The following ATP6V1C1 variants were observed in gnomAD, a reference collection of about 807,000 sequenced individuals.
The protein encoded by ATP6V1C1 is V-type proton ATPase subunit C 1.
A neutral mutation model predicts 53.9 loss-of-function variants in ATP6V1C1; 45 were observed. That is an observed-to-expected ratio of 0.83 (90% CI 0.66 to 1.07). The LOEUF (loss-of-function observed/expected upper bound fraction) is 1.07. Ranked by LOEUF, ATP6V1C1 falls within the 50% of genes least tolerant of loss-of-function variation. ATP6V1C1 has a pLI of 0.00. For synonymous variants in ATP6V1C1, 153 were observed against 155.2 expected (o/e 0.99, Z 0.11); for missense variants, 315 against 440.3 (o/e 0.72, Z 2.55).
chr8:103,062,163 T>G (rs1228078980), intron 8 of ATP6V1C1, among the ~76,000 whole-genome samples: 1 of 90,560 alleles, frequency 1.1e-5, no homozygotes, highest in African/African-American at 4.3e-5. Flanking sequence ...TCATCAGGGT[T>G]TTTTTTTTTT....
chr8:103,068,811 A>G lies in ATP6V1C1; in HGVS notation c.*64A>G. On this transcript the variant is annotated 3_prime_UTR_variant, in exon 13 of 13. Transcript: ENST00000518738. Reference sequence around the variant, plus strand: ...GTGTGTGCTAACAGAAATAAGTTGCAGTATGGTCGTACTTTTAACTCTAGT... The same window carrying G: ...GTGTGTGCTAACAGAAATAAGTTGCGGTATGGTCGTACTTTTAACTCTAGT... 7.0e-7 allele frequency: 1 copy of G among 1,426,240 alleles called. No homozygotes were observed. Among genetic ancestry groups the G allele is most frequent in the Non-Finnish European group, 9.7e-7 (1 of 1,030,962 alleles). The allele number at this position is 1,426,240 out of a possible 1,614,324, so 88.3% of individuals were successfully genotyped here. A position where few individuals can be genotyped will look rare whatever the true frequency, so the allele number is the denominator to read the frequency against.
intron 10 of ATP6V1C1, among the ~76,000 whole-genome samples, chr8:103,063,737 G>A (rs1015119995): frequency 2.6e-4 from 39 of 152,140 alleles, no homozygotes; most frequent in Admixed American, 6.5e-4. Context: ...GAGTGGAATT[G>A]TGAAAATCAA....
chr8:103,067,617 T>TTTTTTTTTTTTTTTC (rs1408507732), intron 12 of ATP6V1C1, among the ~76,000 whole-genome samples: 1 of 144,426 alleles, frequency 6.9e-6, no homozygotes, highest in African/African-American at 2.6e-5. Flanking sequence ...TTTTTTTTTT[T>TTTTTTTTTTTTTTTC]CGAGATGGAG....
intron 8 of ATP6V1C1, among the ~76,000 whole-genome samples, chr8:103,060,666 AAC>A (rs1280758487): frequency 2.0e-5 from 3 of 152,304 alleles, no homozygotes; most frequent in East Asian, 1.9e-4. Flanking sequence ...TTATTTTTTA[AAC>A]AGTTTTAAGA....
At chr8:103,058,224 C>A (rs1323577261) in intron 8 of ATP6V1C1, among the ~76,000 whole-genome samples, 1 of 152,222 alleles carries the variant, frequency 6.6e-6, no homozygotes, top group Non-Finnish European at 1.5e-5. Flanking sequence ...GCAGTCAAGA[C>A]TTGTTTGCAA....
At position 103,066,341 on chromosome 8, in the gene ATP6V1C1, TC is replaced by T. The variant is rs1288595870; in HGVS notation, c.949del (p.Gln317LysfsTer12). On this transcript the variant is annotated frameshift_variant, in exon 12 of 13. Transcript: ENST00000518738. LOFTEE classifies it high-confidence loss of function. Reference protein sequence around the residue: ...SVLRYGLPVNFQAMLLQPNKK... With the variant: ...SVLRYGLPVNXQAMLLQPNKK... The stretch of plus-strand genomic sequence containing the variant: ...GTAAGGTATGGCTTGCCAGTGAACT[TC>T]CAAGCAATGCTACTTCAGCCCAATA... 1 of 1,612,144 alleles carries T rather than the reference TC, an allele frequency of 6.2e-7. No homozygotes were observed. Among genetic ancestry groups the T allele is most frequent in the South Asian group, 1.1e-5 (1 of 90,536 alleles).
intron 3 of ATP6V1C1, among the ~76,000 whole-genome samples, chr8:103,043,487 TA>T (rs1269560199): frequency 7.0e-6 from 1 of 143,852 alleles, no homozygotes; most frequent in African/African-American, 2.8e-5. Flanking sequence ...CACGCCCAGC[TA>T]ATTTTTTTTT....
intron 1 of ATP6V1C1, among the ~76,000 whole-genome samples, chr8:103,028,658 A>T (rs1816739575): frequency 6.6e-6 from 1 of 152,210 alleles, no homozygotes; most frequent in Non-Finnish European, 1.5e-5. Flanking sequence ...CTCTCATTTT[A>T]CAAGTGAAGA....
At chr8:103,026,834 T>A (rs1422906381) in intron 1 of ATP6V1C1, among the ~76,000 whole-genome samples, 1 of 152,080 alleles carries the variant, frequency 6.6e-6, no homozygotes, top group African/African-American at 2.4e-5. Context: ...AAAAGGCATA[T>A]TTTCTGACAG....
intron 11 of ATP6V1C1, 75 bp from the exon 12 acceptor site, chr8:103,066,246 G>C (rs1817487718): frequency 2.0e-6 from 3 of 1,500,550 alleles, no homozygotes; most frequent in Non-Finnish European, 2.7e-6. Context: ...AAGAGTATGA[G>C]AATATTTGCT....
chr8:103,045,142 A>G (rs996531546), intron 3 of ATP6V1C1, among the ~76,000 whole-genome samples: 5 of 152,204 alleles, frequency 3.3e-5, no homozygotes, highest in African/African-American at 1.2e-4. Flanking sequence ...TGTACATTTG[A>G]TTGAAGCTTT....
At chr8:103,041,621 T>C (rs541090719) in intron 2 of ATP6V1C1, among the ~76,000 whole-genome samples, 26 of 152,240 alleles carry the variant, frequency 1.7e-4, no homozygotes, top group African/African-American at 6.3e-4. Context: ...CCTGTAAACC[T>C]AGCACTTTGG....
chr8:103,051,013 G>T (rs1817191338), intron 4 of ATP6V1C1, 37 bp from the exon 5 acceptor site: 5 of 1,399,546 alleles, frequency 3.6e-6, no homozygotes, highest in Non-Finnish European at 5.0e-6. Flanking sequence ...CAATTCTATT[G>T]TTTTTCTTCA....
At position 103,029,427 on chromosome 8, in the gene ATP6V1C1, G is replaced by T. The variant is rs116978567; in HGVS notation, c.-40+8202G>T. On this transcript the variant is annotated intron_variant, in intron 1 of 12. Transcript: ENST00000518738. Reference sequence around the variant, plus strand: ...TGAGATTACAGATGCGTGCCACCGTGTCTTGCTAATTTTTGTATTTAGTAG... The same window carrying T: ...TGAGATTACAGATGCGTGCCACCGTTTCTTGCTAATTTTTGTATTTAGTAG... 2.9e-3 allele frequency among the ~76,000 whole-genome samples: 446 copies of T among 151,978 alleles called. 9 individuals are homozygous for T. In the East Asian group the frequency reaches 0.046, roughly 16 times the overall value.
intron 1 of ATP6V1C1, among the ~76,000 whole-genome samples, chr8:103,039,859 C>T (rs1474854037): frequency 1.3e-5 from 2 of 151,934 alleles, no homozygotes; most frequent in Non-Finnish European, 2.9e-5. Context: ...ACGCCACCCT[C>T]TCAGCTCCCT....
chr8:103,035,605 G>A (rs1176509842), intron 1 of ATP6V1C1, among the ~76,000 whole-genome samples: 1 of 152,192 alleles, frequency 6.6e-6, no homozygotes. Context: ...GGGTGGGGCA[G>A]CAGCTAATAC....
At chr8:103,062,190 T>TTTTTGA (rs1817414057) in intron 8 of ATP6V1C1, among the ~76,000 whole-genome samples, 1 of 133,216 alleles carries the variant, frequency 7.5e-6, no homozygotes, top group Non-Finnish European at 1.6e-5. Flanking sequence ...TTTTTTTTTT[T>TTTTTGA]GACAGGGACT....
intron 1 of ATP6V1C1, among the ~76,000 whole-genome samples, chr8:103,040,146 T>C (rs779817947): frequency 2.0e-5 from 3 of 152,126 alleles, no homozygotes; most frequent in Non-Finnish European, 4.4e-5. Context: ...AATTTCCTAT[T>C]TTGGTTGTAT....
chr8:103,046,903 T>G (rs1817107066), intron 3 of ATP6V1C1, among the ~76,000 whole-genome samples: 1 of 152,148 alleles, frequency 6.6e-6, no homozygotes, highest in Non-Finnish European at 1.5e-5. Flanking sequence ...AAGTTCTGGG[T>G]TATGCAACAT....
Sources: allele counts gnomAD v4.1 joint callset (sites outside exome capture counted in the v4.1 genomes callset), GRCh38; gene constraint gnomAD v4.1.1; transcripts MANE v1.5; gene names NCBI Gene and HGNC (gene_info 2026-07-23, HGNC 2026-07-21).